CLIP2: variants seen among roughly 807,000 people sequenced by gnomAD.
CLIP2 encodes the protein CAP-Gly domain-containing linker protein 2.
CLIP2 carries 41 observed loss-of-function variants against 111.7 expected under a neutral mutation model. The ratio of observed to expected loss-of-function variants is 0.37; its 90% CI spans 0.29 to 0.48. CLIP2 has a LOEUF of 0.48. Among genes scored for constraint, CLIP2 ranks in the 20% least tolerant of loss-of-function variants. CLIP2 has a pLI of 0.99. For missense variants in CLIP2, 1,160 were observed against 1,422.1 expected (o/e 0.82, Z 2.96); for synonymous variants, 660 against 644.2 (o/e 1.02, Z -0.37).
intron 1 of CLIP2, among the ~76,000 whole-genome samples, chr7:74,291,166 C>G (rs533095212): frequency 3.3e-5 from 5 of 152,280 alleles, no homozygotes; most frequent in African/African-American, 1.2e-4. Flanking sequence ...TGATGGGATT[C>G]TGGCTTCAGG....
intron 14 of CLIP2, 129 bp from the exon 15 acceptor site, chr7:74,400,241 T>A: frequency 2.7e-6 from 2 of 730,000 alleles, no homozygotes; most frequent in Non-Finnish European, 4.3e-6. Flanking sequence ...CTGAGGGACC[T>A]CTGGGTGATG....
At chr7:74,320,481 C>T (rs1342449960) in intron 2 of CLIP2, among the ~76,000 whole-genome samples, 2 of 152,030 alleles carry the variant, frequency 1.3e-5, no homozygotes, top group Non-Finnish European at 2.9e-5. Context: ...TTGATCACAC[C>T]ACTGCACTCC....
chr7:74,368,183 A>T (rs1790511022), intron 8 of CLIP2, among the ~76,000 whole-genome samples: 1 of 152,156 alleles, frequency 6.6e-6, no homozygotes, highest in Non-Finnish European at 1.5e-5. Flanking sequence ...ACTGTACTCC[A>T]GCCTGGGCAA....
chr7:74,375,863 C>T, intron 9 of CLIP2, 24 bp from the exon 10 acceptor site: 1 of 1,481,914 alleles, frequency 6.7e-7, no homozygotes, highest in Non-Finnish European at 9.0e-7. Context: ...GCCCGCTGAT[C>T]CCTGTCTCCC....
chr7:74,302,552 C>T (rs533601557), intron 1 of CLIP2, among the ~76,000 whole-genome samples: 8 of 152,230 alleles, frequency 5.3e-5, no homozygotes, highest in Admixed American at 1.3e-4. Flanking sequence ...AGAAAGGTAG[C>T]ATGTGGGACC....
chr7:74,366,972 T>C (rs1790484292), intron 8 of CLIP2, among the ~76,000 whole-genome samples: 1 of 150,408 alleles, frequency 6.6e-6, no homozygotes, highest in African/African-American at 2.4e-5. Flanking sequence ...CCCCTGATGC[T>C]CCTTGGCCTG....
At chr7:74,339,799 TG>T (rs1376095231) in intron 3 of CLIP2, among the ~76,000 whole-genome samples, 3 of 152,094 alleles carry the variant, frequency 2.0e-5, no homozygotes, top group Non-Finnish European at 2.9e-5. Context: ...TCAAGACCCC[TG>T]GTCCTGGCCA....
At chr7:74,324,906 G>A (rs1316651429) in intron 2 of CLIP2, among the ~76,000 whole-genome samples, 8 of 151,726 alleles carry the variant, frequency 5.3e-5, no homozygotes, top group African/African-American at 1.5e-4. Flanking sequence ...TTGGCCCTTC[G>A]GGCTCCCTCA....
chr7:74,337,593 C>CTT (rs10695450), intron 2 of CLIP2, among the ~76,000 whole-genome samples: 84,226 of 147,164 alleles, frequency 0.57, 25,522 homozygotes, highest in Middle Eastern at 0.72. Flanking sequence ...GCCATTGCTT[C>CTT]TTTTTTTTTT....
At chr7:74,397,351 G>A (rs2116706840) in intron 14 of CLIP2, 118 bp downstream of exon 14, 2 of 1,096,142 alleles carry the variant, frequency 1.8e-6, no homozygotes, top group Non-Finnish European at 1.3e-6. Context: ...GGACAGCTGA[G>A]TCATGGTGAG....
chr7:74,319,567 C>A (rs1788886671), intron 2 of CLIP2, among the ~76,000 whole-genome samples: 1 of 151,978 alleles, frequency 6.6e-6, no homozygotes. Flanking sequence ...GCCTGTAATC[C>A]AGCACTTTGG....
intron 4 of CLIP2, among the ~76,000 whole-genome samples, chr7:74,354,912 T>C (rs1377583861): frequency 6.6e-6 from 1 of 152,028 alleles, no homozygotes; most frequent in Non-Finnish European, 1.5e-5. Context: ...GCCTCACAGA[T>C]GGGTTCCAGG....
At position 74,323,769 on chromosome 7, in the gene CLIP2, C is replaced by A. The variant is rs116810965; in HGVS notation, c.121+6102C>A. On this transcript the variant is annotated intron_variant, in intron 2 of 16. Coordinates refer to ENST00000223398, the MANE Select transcript of CLIP2 (RefSeq NM_003388.5). ...GTTCAGATGTACAAACACTTCCCCT[C>A]GTGTTACAGTTGCCTTCAGCATTGA... 7.9e-5 allele frequency among the ~76,000 whole-genome samples: 12 copies of A among 152,140 alleles called. No homozygotes were observed. In the East Asian group the frequency reaches 2.1e-3, roughly 27 times the overall value.
chr7:74,299,174 A>G (rs1312064801), intron 1 of CLIP2, among the ~76,000 whole-genome samples: 1 of 152,070 alleles, frequency 6.6e-6, no homozygotes, highest in Admixed American at 6.6e-5. Flanking sequence ...TCTATAAAAA[A>G]TACAAAAATT....
chr7:74,373,045 G>A lies in CLIP2; in HGVS notation c.1485+9G>A, dbSNP rs545494836. The A allele has an allele frequency of 7.1e-6, 11 of 1,550,406 alleles. No individual in the cohort carries two copies. In the East Asian group the frequency reaches 9.5e-5, roughly 13 times the overall value. ...AATTAGCGGACAACAGGGTAACCGCGCCACCGCACCCGCCTGGCCCGCCAG... is the reference window on the plus strand; with the variant it reads ...AATTAGCGGACAACAGGGTAACCGCACCACCGCACCCGCCTGGCCCGCCAG... On this transcript the variant is annotated intron_variant, in intron 9 of 16. Transcript: ENST00000223398.
chr7:74,295,199 C>T (rs1040734360), intron 1 of CLIP2, among the ~76,000 whole-genome samples: 14 of 152,112 alleles, frequency 9.2e-5, no homozygotes, highest in African/African-American at 2.4e-4. Context: ...TGAGATCAAG[C>T]GATCCTCCCA....
At chr7:74,374,595 C>T (rs1395197742) in intron 9 of CLIP2, among the ~76,000 whole-genome samples, 2 of 152,078 alleles carry the variant, frequency 1.3e-5, no homozygotes, top group African/African-American at 4.8e-5. Context: ...GTGGTGCACG[C>T]CTGTAGTCCC....
rs557540581 is a variant in CLIP2, at chr7:74,404,039, C to T, written c.*191C>T. ...GCCAGACCAGGACGCTTCCTCAAGC[C>T]CAGCCTTCTACAGAGAGTGTGAACG... On this transcript the variant is annotated 3_prime_UTR_variant, in exon 17 of 17. Coordinates refer to ENST00000223398, the MANE Select transcript of CLIP2 (RefSeq NM_003388.5). The T allele has an allele frequency of 1.8e-5, 12 of 654,104 alleles. No homozygotes were observed. The highest frequency in any genetic ancestry group is 1.8e-4 in the African/African-American group (10 of 56,524). 40.5% of individuals were successfully genotyped at this position (654,104 alleles called of 1,614,324 possible).
At chr7:74,369,082 G>A (rs1279379372) in intron 8 of CLIP2, among the ~76,000 whole-genome samples, 1 of 152,198 alleles carries the variant, frequency 6.6e-6, no homozygotes, top group Admixed American at 6.5e-5. Context: ...TGGATGTGGT[G>A]GCTCACGCCT....
Sources: gnomAD v4.1 joint callset for allele counts (sites outside exome capture counted in the v4.1 genomes callset) on GRCh38, gnomAD v4.1.1 for gene constraint, MANE v1.5 for transcripts, NCBI Gene and HGNC (gene_info 2026-07-23, HGNC 2026-07-21) for gene names.